The following DIXDC1 variants were observed in gnomAD, a reference collection of about 807,000 sequenced individuals.
DIXDC1 encodes dixin.
Under a neutral mutation model 103.1 loss-of-function variants are expected in DIXDC1, and 64 were observed. The observed-to-expected ratio is 0.62, with a 90% CI of 0.51 to 0.76. The LOEUF is 0.76. Ranked by LOEUF, DIXDC1 falls within the 30% of genes least tolerant of loss-of-function variation. The probability of loss-of-function intolerance (pLI) is 0.00; values close to 1 mark genes in which losing one functional copy is unlikely to be tolerated. For missense variants in DIXDC1, 759 were observed against 834.2 expected (o/e 0.91, Z 1.11); for synonymous variants, 266 against 298.5 (o/e 0.89, Z 1.12).
chr11:112,009,505 A>G lies in DIXDC1; in HGVS notation c.1757-7186A>G, dbSNP rs587602850. Among the ~76,000 whole-genome samples, 16 of 152,342 alleles carry G rather than the reference A, an allele frequency of 1.1e-4. No individual in the cohort carries two copies. The South Asian group carries it at 1.7e-3, about 16-fold the overall frequency. On this transcript the variant is annotated intron_variant, in intron 17 of 19. Transcript: ENST00000440460. Reference sequence around the variant, plus strand: ...CCAAAACCTGGCAGAGACATAACAAAAAAAAGAGAATTTTAGACCAATATC... The same window carrying G: ...CCAAAACCTGGCAGAGACATAACAAGAAAAAGAGAATTTTAGACCAATATC...
intron 1 of DIXDC1, among the ~76,000 whole-genome samples, chr11:111,938,681 T>C (rs1418142757): frequency 2.6e-5 from 4 of 152,216 alleles, no homozygotes. Flanking sequence ...CCTTCCTTAA[T>C]TCCTGTTTCT....
chr11:112,017,716 C>A lies in DIXDC1; in HGVS notation c.1863-61C>A. On this transcript the variant is annotated intron_variant, in intron 18 of 19. Transcript: ENST00000440460. The surrounding 1 kb of genome is among the most constrained non-coding windows in gnomAD (Gnocchi z 4.0). Reference sequence around the variant, plus strand: ...GGCAGGGGGCTGTGTTTAAAGTTAACATCTTATCTTTCCAGCTATTGATCA... The same window carrying A: ...GGCAGGGGGCTGTGTTTAAAGTTAAAATCTTATCTTTCCAGCTATTGATCA... The A allele has an allele frequency of 7.1e-7, 1 of 1,404,784 alleles. No individual in the cohort carries two copies. 87.0% of individuals were successfully genotyped at this position (1,404,784 alleles called of 1,614,324 possible). A position where few individuals can be genotyped will look rare whatever the true frequency, so the allele number is the denominator to read the frequency against.
At chr11:111,986,031 T>C (rs1860478404) in intron 8 of DIXDC1, among the ~76,000 whole-genome samples, 1 of 152,196 alleles carries the variant, frequency 6.6e-6, no homozygotes. Flanking sequence ...TTTACCAGTT[T>C]ACATTTCTAA....
At chr11:111,953,562 C>T (rs181996387) in intron 1 of DIXDC1, among the ~76,000 whole-genome samples, 12 of 152,146 alleles carry the variant, frequency 7.9e-5, no homozygotes, top group Admixed American at 2.0e-4. Context: ...TGCTTGAACC[C>T]GGGAGGTGGA....
At position 111,976,506 on chromosome 11, in the gene DIXDC1, A is replaced by G. The variant is rs1325058199; in HGVS notation, c.656+1523A>G. On this transcript the variant is annotated intron_variant, in intron 5 of 19. Transcript: ENST00000440460. This position sits in a 1 kb window ranked among gnomAD's most constrained non-coding sequence, Gnocchi z 4.3. Reference sequence around the variant, plus strand: ...CTGACCCCTCATCCAGCTCTTTGGCATGCTGGGTTAGTAGCTGCCTTTTCC... The same window carrying G: ...CTGACCCCTCATCCAGCTCTTTGGCGTGCTGGGTTAGTAGCTGCCTTTTCC... 1.3e-5 allele frequency among the ~76,000 whole-genome samples: 2 copies of G among 152,170 alleles called. No homozygotes were observed. Among genetic ancestry groups the G allele is most frequent in the African/African-American group, 4.8e-5 (2 of 41,420 alleles).
chr11:111,938,140 A>C lies in DIXDC1; in HGVS notation c.60+581A>C, dbSNP rs181451748. Among the ~76,000 whole-genome samples the C allele has an allele frequency of 2.4e-3, 364 of 152,330 alleles. 4 individuals carry two copies. The highest frequency in any genetic ancestry group is 0.016 in the Admixed American group (242 of 15,296). ...GAGAGGGGACCTGGGTCCTGGGTCC[A>C]GGGAGCCAGCGCGTGCACCGGTCCA... On this transcript the variant is annotated intron_variant, in intron 1 of 19. Transcript: ENST00000440460.
At chr11:111,964,404 C>CT in intron 1 of DIXDC1, 145 bp from the exon 2 acceptor site, 1 of 836,658 alleles carries the variant, frequency 1.2e-6, no homozygotes. Context: ...TATAATCTTT[C>CT]TTCTCTCTTT....
chr11:112,002,470 C>T (rs1555176117), intron 17 of DIXDC1, among the ~76,000 whole-genome samples: 1 of 152,186 alleles, frequency 6.6e-6, no homozygotes, highest in African/African-American at 2.4e-5. Context: ...GAGGTATCTG[C>T]ATTCTCATGT....
intron 17 of DIXDC1, chr11:112,015,667 T>A (rs1451248714): frequency 6.6e-6 from 1 of 150,544 alleles, no homozygotes; most frequent in Non-Finnish European, 1.5e-5. Context: ...CTGGGCGTGG[T>A]GGCACACACC....
intron 17 of DIXDC1, 138 bp downstream of exon 17, chr11:111,996,284 G>A (rs1322164732): frequency 2.8e-6 from 2 of 707,774 alleles, no homozygotes; most frequent in Non-Finnish European, 4.6e-6. Context: ...TAGCAATACT[G>A]CAATTGAGTT....
At chr11:111,959,192 G>A (rs1555170833) in intron 1 of DIXDC1, among the ~76,000 whole-genome samples, 1 of 152,226 alleles carries the variant, frequency 6.6e-6, no homozygotes. Flanking sequence ...CATGCCCCTT[G>A]CTCACCATGT....
chr11:111,971,760 C>CTATATCTA (rs1555172090), intron 3 of DIXDC1, among the ~76,000 whole-genome samples: 1 of 150,896 alleles, frequency 6.6e-6, no homozygotes. Flanking sequence ...ATATCTATAT[C>CTATATCTA]TATATACACC....
upstream of DIXDC1, among the ~76,000 whole-genome samples, chr11:111,934,632 G>A (rs1258984079): frequency 6.6e-6 from 1 of 152,150 alleles, no homozygotes; most frequent in Non-Finnish European, 1.5e-5. Context: ...TGGTGGGATC[G>A]GGAGGATGGA....
chr11:111,978,898 G>T (rs1555172964), intron 5 of DIXDC1, among the ~76,000 whole-genome samples: 1 of 152,218 alleles, frequency 6.6e-6, no homozygotes, highest in African/African-American at 2.4e-5. Context: ...TATTCTCCTT[G>T]TGAATGACAT....
At chr11:112,004,672 C>G (rs1383354639) in intron 17 of DIXDC1, among the ~76,000 whole-genome samples, 1 of 152,182 alleles carries the variant, frequency 6.6e-6, no homozygotes, top group Admixed American at 6.5e-5. Flanking sequence ...CATACAGAGA[C>G]TGACTGAGGC....
intron 1 of DIXDC1, among the ~76,000 whole-genome samples, chr11:111,929,469 G>T (rs1351256467): frequency 1.3e-5 from 2 of 151,462 alleles, no homozygotes; most frequent in Non-Finnish European, 2.9e-5. Context: ...TGTGGTCCTG[G>T]ATACTTGAGA....
upstream of DIXDC1, among the ~76,000 whole-genome samples, chr11:111,934,355 A>G (rs1269860076): frequency 6.6e-6 from 1 of 152,244 alleles, no homozygotes; most frequent in African/African-American, 2.4e-5. Flanking sequence ...TGTCAAAATA[A>G]TGCAGGACTG....
At chr11:111,941,988 C>T (rs587718449) in intron 1 of DIXDC1, among the ~76,000 whole-genome samples, 4 of 152,240 alleles carry the variant, frequency 2.6e-5, no homozygotes, top group South Asian at 4.1e-4. Context: ...CATAGAGTAG[C>T]GGTGGCGTCA....
intron 10 of DIXDC1, among the ~76,000 whole-genome samples, chr11:111,990,549 A>T (rs1486786575): frequency 6.6e-6 from 1 of 152,176 alleles, no homozygotes; most frequent in Non-Finnish European, 1.5e-5. Context: ...GTAGTACATA[A>T]AGACTTTCCT....
Sources: gnomAD v4.1 joint callset for allele counts (sites outside exome capture counted in the v4.1 genomes callset) on GRCh38, gnomAD v4.1.1 for gene constraint, Gnocchi (gnomAD v3.1) non-coding constraint, MANE v1.5 for transcripts, NCBI Gene and HGNC (gene_info 2026-07-23, HGNC 2026-07-21) for gene names.